SEMA6D: variants seen among roughly 807,000 people sequenced by gnomAD.
SEMA6D encodes the protein semaphorin-6D.
Under a neutral mutation model 106.6 loss-of-function variants are expected in SEMA6D, and 35 were observed. The ratio of observed to expected loss-of-function variants is 0.33; its 90% CI spans 0.25 to 0.44. SEMA6D has a LOEUF of 0.44. Ranked by LOEUF, SEMA6D falls within the 20% of genes least tolerant of loss-of-function variation. The probability of loss-of-function intolerance (pLI) is 1.00; values close to 1 mark genes in which losing one functional copy is unlikely to be tolerated. For synonymous variants in SEMA6D, 499 were observed against 487.7 expected, an observed-to-expected ratio of 1.02 and a Z score of -0.31; for missense variants, 1,185 against 1,345.9, an observed-to-expected ratio of 0.88 and a Z score of 1.87.
At chr15:47,490,517 C>T (rs1272081131) in intron 3 of SEMA6D, among the ~76,000 whole-genome samples, 45 of 152,050 alleles carry the variant, frequency 3.0e-4, no homozygotes, top group African/African-American at 1.4e-4. Context: ...TGGTGGCATG[C>T]GCCTGTAGTT....
rs764927722 is a variant in SEMA6D, at chr15:47,761,054, T to A, written c.282+16T>A. ...ACCCAACAAGGTGAGCAACTGTAGTTGGCAAATTTATTTACCTTCCCTCTG... is the reference window on the plus strand; with the variant it reads ...ACCCAACAAGGTGAGCAACTGTAGTAGGCAAATTTATTTACCTTCCCTCTG... On this transcript the variant is annotated intron_variant, in intron 4 of 18. Transcript: ENST00000536845. The A allele has an allele frequency of 1.9e-6, 3 of 1,613,132 alleles. No individual in the cohort carries two copies. The highest frequency in any genetic ancestry group is 2.5e-6 in the Non-Finnish European group (3 of 1,179,486).
intron 1 of SEMA6D, among the ~76,000 whole-genome samples, chr15:47,347,823 A>G (rs1458243285): frequency 6.6e-6 from 1 of 152,186 alleles, no homozygotes; most frequent in Non-Finnish European, 1.5e-5. Context: ...ATTATGATTA[A>G]TAATAATTTA....
At chr15:47,267,202 A>T (rs1345467566) in intron 1 of SEMA6D, among the ~76,000 whole-genome samples, 2 of 152,128 alleles carry the variant, frequency 1.3e-5, no homozygotes, top group East Asian at 3.9e-4. Flanking sequence ...CTTGAATGAG[A>T]TTAGACACTT....
At chr15:47,640,764 C>CA (rs2077474481) in intron 4 of SEMA6D, among the ~76,000 whole-genome samples, 1 of 151,754 alleles carries the variant, frequency 6.6e-6, no homozygotes, top group Non-Finnish European at 1.5e-5. Context: ...TAACTAGTCA[C>CA]AAAAAACATC....
intron 1 of SEMA6D, among the ~76,000 whole-genome samples, chr15:47,250,902 T>C (rs372726252): frequency 2.6e-5 from 4 of 152,344 alleles, no homozygotes; most frequent in South Asian, 4.1e-4. Flanking sequence ...AAGGATGACA[T>C]GCAGCGAATC....
chr15:47,596,369 A>G (rs545532524), intron 3 of SEMA6D, among the ~76,000 whole-genome samples: 1 of 152,234 alleles, frequency 6.6e-6, no homozygotes, highest in South Asian at 2.1e-4. Flanking sequence ...AAAGCAATAT[A>G]TAGATTTGAA....
chr15:47,710,871 A>AT (rs67890567), intron 4 of SEMA6D, among the ~76,000 whole-genome samples: 24 of 152,180 alleles, frequency 1.6e-4, no homozygotes, highest in African/African-American at 4.8e-4. Context: ...ATTTGAAGTG[A>AT]TTTTTTCAGC....
At chr15:47,743,214 G>A (rs2080921369) in intron 1 of SEMA6D, among the ~76,000 whole-genome samples, 3 of 152,164 alleles carry the variant, frequency 2.0e-5, no homozygotes, top group Admixed American at 2.0e-4. Flanking sequence ...AGCTGTAAGG[G>A]CAATTGCCTA....
rs71432248 is a variant in SEMA6D, at chr15:47,611,148, TACACACACAC to T, written c.-55+10281_-55+10290del. Among the ~76,000 whole-genome samples, 1,223 of 141,572 alleles carry T rather than the reference TACACACACAC, an allele frequency of 8.6e-3. 8 individuals are homozygous for T. Among genetic ancestry groups the T allele is most frequent in the African/African-American group, 0.024 (936 of 38,654 alleles). The allele number at this position is 141,572 out of a possible 152,430, so 92.9% of individuals were successfully genotyped here. A position where few individuals can be genotyped will look rare whatever the true frequency, so the allele number is the denominator to read the frequency against. ...GCCTACCCACTGCCACCGTCCTACA[TACACACACAC>T]ACACACACACACACACACACACACA... On this transcript the variant is annotated intron_variant, in intron 4 of 19. Transcript: ENST00000558014.
chr15:47,208,222 A>G (rs991697561), intron 1 of SEMA6D, among the ~76,000 whole-genome samples: 2 of 152,130 alleles, frequency 1.3e-5, no homozygotes, highest in African/African-American at 2.4e-5. Context: ...TGGGATTATT[A>G]TACTGATTAA....
intron 2 of SEMA6D, among the ~76,000 whole-genome samples, chr15:47,465,793 G>A (rs73388904): frequency 0.01 from 1,566 of 152,238 alleles, 28 homozygotes; most frequent in African/African-American, 0.036. Flanking sequence ...ACCTGAGTCA[G>A]TTAAACCTCT....
chr15:47,224,194 T>TA (rs1215551045), intron 1 of SEMA6D, among the ~76,000 whole-genome samples: 2 of 151,470 alleles, frequency 1.3e-5, no homozygotes, highest in African/African-American at 4.9e-5. Flanking sequence ...AAAATTAAAT[T>TA]TAAAAAAAAA....
intron 4 of SEMA6D, among the ~76,000 whole-genome samples, chr15:47,660,070 A>G (rs2077886480): frequency 6.6e-6 from 1 of 151,834 alleles, no homozygotes; most frequent in South Asian, 2.1e-4. Flanking sequence ...TTACCTGAGC[A>G]TGTTGTGTGG....
At chr15:47,317,665 T>C (rs1451974090) in intron 1 of SEMA6D, among the ~76,000 whole-genome samples, 5 of 152,196 alleles carry the variant, frequency 3.3e-5, no homozygotes, top group African/African-American at 1.2e-4. Context: ...AACTCAATAC[T>C]GTAAATATTT....
intron 3 of SEMA6D, among the ~76,000 whole-genome samples, chr15:47,552,557 CAT>C (rs1474283456): frequency 5.9e-4 from 75 of 126,794 alleles, no homozygotes; most frequent in South Asian, 8.3e-4. Flanking sequence ...CACACACACA[CAT>C]ATGGCAAGGC....
chr15:47,237,462 A>G (rs1464802731), intron 1 of SEMA6D, among the ~76,000 whole-genome samples: 1 of 152,116 alleles, frequency 6.6e-6, no homozygotes, highest in East Asian at 1.9e-4. Flanking sequence ...CTCAAATTGC[A>G]CTATGTAGAG....
chr15:47,608,292 T>A (rs927290195), intron 4 of SEMA6D, among the ~76,000 whole-genome samples: 1 of 152,182 alleles, frequency 6.6e-6, no homozygotes, highest in African/African-American at 2.4e-5. Context: ...GCAATTATAT[T>A]TTCTAGATTA....
intron 1 of SEMA6D, chr15:47,339,338 GAGGGGTCTTGGGGACCTC>G (rs1192595528): frequency 6.6e-6 from 1 of 152,180 alleles, no homozygotes; most frequent in East Asian, 1.9e-4. Flanking sequence ...ATCTGGTGGG[GAGGGGTCTTGGGGACCTC>G]TTGGCCTTCA....
At chr15:47,668,765 C>G (rs2078079996) in intron 4 of SEMA6D, among the ~76,000 whole-genome samples, 1 of 152,136 alleles carries the variant, frequency 6.6e-6, no homozygotes, top group African/African-American at 2.4e-5. Flanking sequence ...TCTAACCATT[C>G]TGAATGTGGG....
Sources: allele counts gnomAD v4.1 joint callset (sites outside exome capture counted in the v4.1 genomes callset), GRCh38; gene constraint gnomAD v4.1.1; transcripts MANE v1.5; gene names NCBI Gene and HGNC (gene_info 2026-07-23, HGNC 2026-07-21).